Variants in SLC44A5 observed in about 807,000 individuals in gnomAD.
SLC44A5 encodes solute carrier family 44 member 5.
SLC44A5 carries 57 observed loss-of-function variants against 101.8 expected under a neutral mutation model. That is an observed-to-expected ratio of 0.56 (90% confidence interval 0.45 to 0.70). The LOEUF is 0.70. SLC44A5 is among the 30% of genes least tolerant of loss of function. The pLI is 0.00. For synonymous variants in SLC44A5, 281 were observed against 290.9 expected, an observed-to-expected ratio of 0.97 and a Z score of 0.35; for missense variants, 737 against 853.1, an observed-to-expected ratio of 0.86 and a Z score of 1.70.
At chr1:75,710,824 A>T in the SLC44A5 span, among the ~76,000 whole-genome samples, 39,612 of 151,936 alleles carry the variant, frequency 0.26, 6,394 homozygotes, top group East Asian at 0.68. Context: ...GTGCCAAAGT[A>T]TAATACGGTC....
chr1:75,642,680 A>G, the SLC44A5 span, among the ~76,000 whole-genome samples: 5 of 152,138 alleles, frequency 3.3e-5, no homozygotes, highest in Non-Finnish European at 7.3e-5. Context: ...ATAACTCAAT[A>G]AAACAAGAAG....
chr1:75,681,483 A>T, the SLC44A5 span, among the ~76,000 whole-genome samples: 1 of 151,534 alleles, frequency 6.6e-6, no homozygotes, highest in Admixed American at 6.6e-5. Flanking sequence ...AATCCAGCAT[A>T]TAAACAGAGC....
intron 2 of SLC44A5, among the ~76,000 whole-genome samples, chr1:75,433,627 T>C (rs1664732370): frequency 6.6e-6 from 1 of 152,186 alleles, no homozygotes; most frequent in Admixed American, 6.5e-5. Context: ...AGTTCTCTTT[T>C]TCTTTCTTCA....
chr1:75,206,550 A>G (rs1646751616), intron 23 of SLC44A5: 4 of 1,161,280 alleles, frequency 3.4e-6, no homozygotes, highest in African/African-American at 3.1e-5. Context: ...CCAAATTACA[A>G]TCAACCTAAT....
chr1:75,552,626 G>T (rs1437396498), intron 1 of SLC44A5, among the ~76,000 whole-genome samples: 3 of 129,708 alleles, frequency 2.3e-5, no homozygotes, highest in South Asian at 2.3e-4. Context: ...TGTATGGCTG[G>T]TTTTTTTTTT....
intron 1 of SLC44A5, among the ~76,000 whole-genome samples, chr1:75,569,337 C>A (rs1422543369): frequency 6.7e-6 from 1 of 149,928 alleles, no homozygotes; most frequent in Non-Finnish European, 1.5e-5. Context: ...ACCTCCCAGG[C>A]TCAGGTGATC....
intron 1 of SLC44A5, among the ~76,000 whole-genome samples, chr1:75,549,161 T>C (rs1258345750): frequency 6.6e-6 from 1 of 152,136 alleles, no homozygotes; most frequent in Non-Finnish European, 1.5e-5. Context: ...CTTTGACTCT[T>C]TGACCAAATT....
upstream of SLC44A5, among the ~76,000 whole-genome samples, chr1:75,612,546 G>A (rs139665428): frequency 9.3e-4 from 142 of 152,176 alleles, no homozygotes; most frequent in African/African-American, 2.7e-3. Flanking sequence ...TCATTTGCTC[G>A]CACATCACTT....
chr1:75,558,941 C>G (rs1672366493), intron 1 of SLC44A5, among the ~76,000 whole-genome samples: 1 of 152,100 alleles, frequency 6.6e-6, no homozygotes, highest in African/African-American at 2.4e-5. Flanking sequence ...GTAGCCAACA[C>G]TAAATGCTTC....
chr1:75,651,997 G>A, the SLC44A5 span, among the ~76,000 whole-genome samples: 1 of 152,118 alleles, frequency 6.6e-6, no homozygotes, highest in Non-Finnish European at 1.5e-5. Context: ...TTCCCAGTGA[G>A]ATCTCAGGAG....
At chr1:75,283,326 C>T (rs1652772580) in intron 5 of SLC44A5, among the ~76,000 whole-genome samples, 1 of 152,004 alleles carries the variant, frequency 6.6e-6, no homozygotes, top group African/African-American at 2.4e-5. Context: ...ATGTCCTTTG[C>T]CCACTTTTTG....
the SLC44A5 span, chr1:75,642,017 A>T: frequency 2.8e-6 from 4 of 1,449,714 alleles, no homozygotes; most frequent in Non-Finnish European, 2.9e-6. Flanking sequence ...ATGGTGGAAG[A>T]AATGTTGATA....
chr1:75,537,031 A>AG lies in SLC44A5; in HGVS notation c.13+4403_13+4404insC, dbSNP rs1372222209. Among the ~76,000 whole-genome samples, 19 of 15,760 alleles carry AG rather than the reference A, an allele frequency of 1.2e-3. 1 individual carries two copies. Among genetic ancestry groups the AG allele is most frequent in the African/African-American group, 1.6e-3 (19 of 11,604 alleles). The allele number at this position is 15,760 out of a possible 152,430, so 10.3% of individuals were successfully genotyped here. A position where few individuals can be genotyped will look rare whatever the true frequency, so the allele number is the denominator to read the frequency against. ...AAAAAAAAAAAAAAAAAAAAAAAAA[A>AG]AAATATATATCTATGCCAAATGATT... On this transcript the variant is annotated intron_variant, in intron 2 of 23. Coordinates refer to ENST00000370859, the MANE Select transcript of SLC44A5 (RefSeq NM_001130058.2).
intron 4 of SLC44A5, among the ~76,000 whole-genome samples, chr1:75,319,067 C>G (rs1655938971): frequency 6.6e-6 from 1 of 151,966 alleles, no homozygotes; most frequent in South Asian, 2.1e-4. Flanking sequence ...AATAATAAGG[C>G]CCCAATAAAA....
Position 75,339,608 on chromosome 1 carries a change from T to C in SLC44A5, c.75A>G (p.Pro25=), listed in dbSNP as rs764437400. ...TGTTGGCAACAGGCCCCTTGAAATCTGGGTCATATGTCCTTGGATCACCTG... is the reference window on the plus strand; with the variant it reads ...TGTTGGCAACAGGCCCCTTGAAATCCGGGTCATATGTCCTTGGATCACCTG... The part of the protein sequence containing the change: ...EDFGDPRTYD[P]DFKGPVANRS... The change falls in exon 4 of 24, where the codon CCA becomes CCG. Residue 25 remains proline, a synonymous_variant. Transcript: ENST00000370859. 3 of 1,609,924 alleles carry C rather than the reference T, an allele frequency of 1.9e-6. No homozygotes were observed. Among genetic ancestry groups the C allele is most frequent in the Non-Finnish European group, 2.5e-6 (3 of 1,177,878 alleles).
chr1:75,307,699 C>T (rs907775204), intron 4 of SLC44A5, among the ~76,000 whole-genome samples: 1 of 152,172 alleles, frequency 6.6e-6, no homozygotes, highest in Non-Finnish European at 1.5e-5. Context: ...GTATCCACCC[C>T]CTTGGTTCCA....
At chr1:75,311,291 A>AT (rs2100914776) in intron 4 of SLC44A5, among the ~76,000 whole-genome samples, 1 of 152,036 alleles carries the variant, frequency 6.6e-6, no homozygotes, top group African/African-American at 2.4e-5. Flanking sequence ...TAATTTTTGT[A>AT]TTTTTAGTAG....
chr1:75,572,147 A>T (rs995307953), intron 1 of SLC44A5, among the ~76,000 whole-genome samples: 1 of 152,196 alleles, frequency 6.6e-6, no homozygotes, highest in Non-Finnish European at 1.5e-5. Context: ...TAACTTAAGG[A>T]TGTAAGCCAT....
intron 3 of SLC44A5, among the ~76,000 whole-genome samples, chr1:75,356,083 G>A (rs1002016748): frequency 6.6e-6 from 1 of 151,542 alleles, no homozygotes; most frequent in African/African-American, 2.4e-5. Flanking sequence ...CATGGTGGCG[G>A]GCACCTGTAA....
Sources: gnomAD v4.1 joint callset for allele counts (sites outside exome capture counted in the v4.1 genomes callset) on GRCh38, gnomAD v4.1.1 for gene constraint, MANE v1.5 for transcripts, NCBI Gene and HGNC (gene_info 2026-07-23, HGNC 2026-07-21) for gene names.